CAMK1D: variants seen among roughly 807,000 people sequenced by gnomAD.
CAMK1D encodes the protein calcium/calmodulin dependent protein kinase ID, also known as calcium/calmodulin-dependent protein kinase type 1D.
CAMK1D carries 9 observed loss-of-function variants against 47.7 expected under a neutral mutation model. The observed-to-expected ratio is 0.19, with a 90% CI of 0.11 to 0.33. CAMK1D has a LOEUF of 0.33. Among genes scored for constraint, CAMK1D ranks in the 10% least tolerant of loss-of-function variants. The pLI, the probability that CAMK1D is intolerant of heterozygous loss-of-function variation, is 1.00. For synonymous variants in CAMK1D, 184 were observed against 184.9 expected, an observed-to-expected ratio of 0.99 and a Z score of 0.04; for missense variants, 291 against 488.7, an observed-to-expected ratio of 0.60 and a Z score of 3.81.
At chr10:12,393,313 G>GA (rs1291905413) in intron 1 of CAMK1D, among the ~76,000 whole-genome samples, 6 of 152,170 alleles carry the variant, frequency 3.9e-5, no homozygotes, top group Admixed American at 2.6e-4. Flanking sequence ...TTACAGGCGT[G>GA]AGACACTGCG....
intron 2 of CAMK1D, among the ~76,000 whole-genome samples, chr10:12,615,737 TGG>T (rs1164586137): frequency 2.6e-5 from 4 of 151,658 alleles, no homozygotes; most frequent in African/African-American, 4.9e-5. Context: ...TGCATGTGTG[TGG>T]GGGTGTGTAT....
chr10:12,521,457 A>G (rs1564388225), intron 1 of CAMK1D, among the ~76,000 whole-genome samples: 1 of 152,228 alleles, frequency 6.6e-6, no homozygotes, highest in Non-Finnish European at 1.5e-5. Flanking sequence ...ACAGTCAGAT[A>G]ACATACTTTG....
chr10:12,432,996 A>G (rs1299006288), intron 1 of CAMK1D, among the ~76,000 whole-genome samples: 3 of 152,362 alleles, frequency 2.0e-5, no homozygotes, highest in Non-Finnish European at 2.9e-5. Flanking sequence ...TCCCTGAGCC[A>G]GCTCACACGG....
At chr10:12,546,522 C>T (rs1836376976) in intron 1 of CAMK1D, among the ~76,000 whole-genome samples, 1 of 151,946 alleles carries the variant, frequency 6.6e-6, no homozygotes, top group Admixed American at 6.6e-5. Context: ...GAGGTTTGCA[C>T]ATGAGAGAGA....
rs191639458 is a variant in CAMK1D, at chr10:12,722,788, G to A, written c.300-38160G>A. ...ATTAAGGCGGAAACAGAAATGTAAG[G>A]CATGGCCCTGATCACTAAAAAGGAT... On this transcript the variant is annotated intron_variant, in intron 3 of 10. Coordinates refer to ENST00000619168, the MANE Select transcript of CAMK1D (RefSeq NM_153498.4). Among the ~76,000 whole-genome samples the A allele has an allele frequency of 2.6e-5, 4 of 152,306 alleles. No individual in the cohort carries two copies. The East Asian group carries it at 7.7e-4, about 29-fold the overall frequency.
chr10:12,374,848 C>T (rs1156409753), intron 1 of CAMK1D, among the ~76,000 whole-genome samples: 1 of 145,496 alleles, frequency 6.9e-6, no homozygotes, highest in Non-Finnish European at 1.5e-5. Context: ...GAGGCTGAGG[C>T]AGGAGAATCA....
chr10:12,474,073 C>T (rs1833827884), intron 1 of CAMK1D, among the ~76,000 whole-genome samples: 1 of 152,060 alleles, frequency 6.6e-6, no homozygotes, highest in African/African-American at 2.4e-5. Flanking sequence ...CTTCTGGGTC[C>T]AGTGGGAGGC....
At chr10:12,389,694 G>T (rs191885462) in intron 1 of CAMK1D, among the ~76,000 whole-genome samples, 25 of 152,316 alleles carry the variant, frequency 1.6e-4, no homozygotes, top group Non-Finnish European at 3.1e-4. Flanking sequence ...TAATGGCCGT[G>T]AGTTTGAAAG....
intron 2 of CAMK1D, among the ~76,000 whole-genome samples, chr10:12,582,961 G>C (rs1220176620): frequency 6.6e-6 from 1 of 152,094 alleles, no homozygotes; most frequent in African/African-American, 2.4e-5. Flanking sequence ...TTTTTTGCTG[G>C]GCACAGTGGC....
At chr10:12,443,660 C>T (rs753565897) in intron 1 of CAMK1D, among the ~76,000 whole-genome samples, 4 of 151,900 alleles carry the variant, frequency 2.6e-5, no homozygotes, top group African/African-American at 4.8e-5. Context: ...GACGGAGTCT[C>T]GTTCTTTTGC....
At chr10:12,468,213 A>G in intron 1 of CAMK1D, among the ~76,000 whole-genome samples, 1 of 151,974 alleles carries the variant, frequency 6.6e-6, no homozygotes, top group East Asian at 1.9e-4. Flanking sequence ...TTAACACTAC[A>G]TCCAGCTATT....
At chr10:12,499,340 C>G (rs1834633292) in intron 1 of CAMK1D, among the ~76,000 whole-genome samples, 1 of 152,014 alleles carries the variant, frequency 6.6e-6, no homozygotes, top group East Asian at 1.9e-4. Flanking sequence ...TTTTCTCATT[C>G]TGGTAAGAAT....
rs1248439335 is a variant in CAMK1D at position 12,802,551 on chromosome 10, T to TG, written c.641+11319dup. 2.0e-5 allele frequency among the ~76,000 whole-genome samples: 3 copies of TG among 152,268 alleles called. No homozygotes were observed. In the East Asian group the frequency reaches 5.8e-4, roughly 29 times the overall value. The stretch of plus-strand genomic sequence containing the variant: ...CTTTCTTTTTTTTGAGACAGAGTCT[T>TG]GCTCTGTCACCCAGGCTGGAGTGCA... On this transcript the variant is annotated intron_variant, in intron 6 of 10. Transcript: ENST00000619168.
At chr10:12,515,780 T>A (rs1323286638) in intron 1 of CAMK1D, among the ~76,000 whole-genome samples, 1 of 151,738 alleles carries the variant, frequency 6.6e-6, no homozygotes, top group Non-Finnish European at 1.5e-5. Flanking sequence ...CGGCTAATTT[T>A]TTTTGTATTT....
At chr10:12,602,924 T>TATTATTATTA (rs1554795394) in intron 2 of CAMK1D, among the ~76,000 whole-genome samples, 3 of 149,426 alleles carry the variant, frequency 2.0e-5, no homozygotes, top group African/African-American at 4.9e-5. Context: ...TTATTATTAT[T>TATTATTATTA]TTGAGACAGA....
rs111807347 is a variant in CAMK1D, at chr10:12,419,640, GCACACACACA to G, written c.92+69750_92+69759del. ...TCAGTCTTAGATCAGAAGAGAAAAT[GCACACACACA>G]CACACACACACACACACACGCAAAA... On this transcript the variant is annotated intron_variant, in intron 1 of 10. Transcript: ENST00000619168. 1.6e-4 allele frequency among the ~76,000 whole-genome samples: 24 copies of G among 147,192 alleles called. No homozygotes were observed. The East Asian group carries it at 3.4e-3, about 21-fold the overall frequency.
intron 1 of CAMK1D, among the ~76,000 whole-genome samples, chr10:12,480,917 A>G (rs1363897246): frequency 6.6e-6 from 1 of 152,250 alleles, no homozygotes; most frequent in African/African-American, 2.4e-5. Context: ...AAGAGATCGG[A>G]TCTAACCAAC....
At chr10:12,374,126 G>A (rs966093197) in intron 1 of CAMK1D, among the ~76,000 whole-genome samples, 1 of 151,478 alleles carries the variant, frequency 6.6e-6, no homozygotes, top group Admixed American at 6.6e-5. Context: ...CAGGTGTCAT[G>A]GTGGGCATCT....
chr10:12,523,731 C>T (rs1040494906), intron 1 of CAMK1D, among the ~76,000 whole-genome samples: 4 of 151,912 alleles, frequency 2.6e-5, no homozygotes, highest in African/African-American at 4.8e-5. Context: ...AGAGGGAGAC[C>T]GTGGAAAGAG....
Sources: gnomAD v4.1 joint callset for allele counts (sites outside exome capture counted in the v4.1 genomes callset) on GRCh38, gnomAD v4.1.1 for gene constraint, MANE v1.5 for transcripts, NCBI Gene and HGNC (gene_info 2026-07-23, HGNC 2026-07-21) for gene names.